The following DLGAP2 variants were observed in gnomAD, a reference collection of about 807,000 sequenced individuals.
DLGAP2 encodes DLG associated protein 2.
Under a neutral mutation model 100.3 loss-of-function variants are expected in DLGAP2, and 26 were observed. The observed-to-expected ratio is 0.26, with a 90% CI of 0.19 to 0.36. The LOEUF (loss-of-function observed/expected upper bound fraction) is 0.36. DLGAP2 is among the 10% of genes least tolerant of loss of function. The pLI is 1.00. For missense variants in DLGAP2, 1,858 were observed against 1,453.2 expected (o/e 1.28, Z -4.53); for synonymous variants, 886 against 630.1 (o/e 1.41, Z -6.08).
chr8:1,536,030 G>A (rs74507189), intron 4 of DLGAP2, among the ~76,000 whole-genome samples: 19,624 of 152,218 alleles, frequency 0.13, 1,745 homozygotes, highest in African/African-American at 0.25. Context: ...GTCATGACAC[G>A]TGAGTAGCAT....
chr8:1,004,504 AG>A (rs1801050021), intron 2 of DLGAP2, among the ~76,000 whole-genome samples: 1 of 152,180 alleles, frequency 6.6e-6, no homozygotes, highest in South Asian at 2.1e-4. Flanking sequence ...GGCCACAATC[AG>A]GGTTGGAAGT....
intron 6 of DLGAP2, among the ~76,000 whole-genome samples, chr8:1,595,143 C>T (rs1563245186): frequency 1.3e-5 from 2 of 151,990 alleles, no homozygotes; most frequent in South Asian, 2.1e-4. Flanking sequence ...CGGGTGCAAG[C>T]GATTCTCCCA....
intron 3 of DLGAP2, among the ~76,000 whole-genome samples, chr8:1,263,221 A>G (rs28535279): frequency 0.033 from 5,067 of 152,306 alleles, 125 homozygotes; most frequent in South Asian, 0.092. Context: ...TGGCAGAAAT[A>G]TATATTGGAT....
At chr8:1,067,886 G>A (rs1044963997) in intron 2 of DLGAP2, among the ~76,000 whole-genome samples, 32 of 151,932 alleles carry the variant, frequency 2.1e-4, no homozygotes, top group Non-Finnish European at 4.6e-4. Flanking sequence ...GTTTGATGAC[G>A]ACACACCCCC....
At chr8:1,481,476 T>TC (rs1554480820) in intron 3 of DLGAP2, among the ~76,000 whole-genome samples, 2 of 114,184 alleles carry the variant, frequency 1.8e-5, no homozygotes, top group Non-Finnish European at 3.3e-5. Flanking sequence ...TTTTTCTTTT[T>TC]TTTTTTTTTT....
intron 2 of DLGAP2, among the ~76,000 whole-genome samples, chr8:1,165,845 G>A (rs528211834): frequency 4.0e-5 from 6 of 148,432 alleles, no homozygotes; most frequent in African/African-American, 9.8e-5. Context: ...ATTTTCCCAC[G>A]TTAGATTTAA....
chr8:1,673,729 A>AAAG (rs1424168988), intron 10 of DLGAP2, among the ~76,000 whole-genome samples: 1 of 152,254 alleles, frequency 6.6e-6, no homozygotes, highest in African/African-American at 2.4e-5. Flanking sequence ...ACAAGGAAGC[A>AAAG]AAGATTCAAC....
intron 2 of DLGAP2, among the ~76,000 whole-genome samples, chr8:1,099,785 A>G (rs1256021209): frequency 2.0e-5 from 3 of 152,148 alleles, no homozygotes; most frequent in African/African-American, 7.2e-5. Context: ...TTTTATATTT[A>G]CCCAATCCTT....
chr8:1,168,122 A>G (rs527536851), intron 2 of DLGAP2, among the ~76,000 whole-genome samples: 268 of 144,060 alleles, frequency 1.9e-3, no homozygotes, highest in African/African-American at 6.4e-3. Context: ...ATGAGTGAGA[A>G]TCTGCGGTGT....
chr8:1,170,645 T>C (rs1425664921), intron 2 of DLGAP2, among the ~76,000 whole-genome samples: 1 of 143,256 alleles, frequency 7.0e-6, no homozygotes, highest in Non-Finnish European at 1.6e-5. Flanking sequence ...TATCCATTTC[T>C]TCTAGATTTT....
intron 3 of DLGAP2, among the ~76,000 whole-genome samples, chr8:1,314,110 T>C (rs1024683242): frequency 1.3e-5 from 2 of 152,258 alleles, no homozygotes; most frequent in South Asian, 2.1e-4. Flanking sequence ...ATGTGAAATA[T>C]TGGTTTCAAA....
chr8:901,892 T>A (rs1798258951), intron 1 of DLGAP2, among the ~76,000 whole-genome samples: 2 of 152,190 alleles, frequency 1.3e-5, no homozygotes, highest in Non-Finnish European at 2.9e-5. Flanking sequence ...TTTCCAGGGC[T>A]TCGCTGGACA....
At chr8:1,262,511 A>G (rs1291918359) in intron 3 of DLGAP2, 4 of 152,178 alleles carry the variant, frequency 2.6e-5, no homozygotes, top group Non-Finnish European at 5.9e-5. Context: ...ATTCACAGGA[A>G]TGCAGTTTCT....
intron 3 of DLGAP2, among the ~76,000 whole-genome samples, chr8:1,468,231 G>A (rs1233794697): frequency 2.6e-5 from 4 of 151,724 alleles, no homozygotes; most frequent in East Asian, 1.9e-4. Flanking sequence ...CTGCAGCCTC[G>A]GTCGGTTCTG....
At chr8:1,600,237 A>G (rs1405662373) in intron 6 of DLGAP2, among the ~76,000 whole-genome samples, 1 of 152,204 alleles carries the variant, frequency 6.6e-6, no homozygotes, top group Non-Finnish European at 1.5e-5. Context: ...CTGCAGAGAT[A>G]TCCACTGTTA....
chr8:1,025,421 CT>C (rs1183641767), intron 2 of DLGAP2, among the ~76,000 whole-genome samples: 1 of 152,166 alleles, frequency 6.6e-6, no homozygotes, highest in Admixed American at 6.5e-5. Context: ...AAATAGGATT[CT>C]TTCCAGAGAA....
chr8:1,483,663 A>G (rs59019520), intron 3 of DLGAP2, among the ~76,000 whole-genome samples: 6 of 147,600 alleles, frequency 4.1e-5, no homozygotes, highest in African/African-American at 1.3e-4. Flanking sequence ...GTCTACACAG[A>G]GCAGGGAGGC....
At chr8:1,195,944 TAATA>T (rs1451081496) in intron 2 of DLGAP2, among the ~76,000 whole-genome samples, 4 of 152,310 alleles carry the variant, frequency 2.6e-5, no homozygotes, top group Non-Finnish European at 4.4e-5. Context: ...TCAACTTAAT[TAATA>T]GTTACCTCCA....
At chr8:1,638,169 G>A (rs186155886) in intron 8 of DLGAP2, among the ~76,000 whole-genome samples, 1 of 152,256 alleles carries the variant, frequency 6.6e-6, no homozygotes, top group Admixed American at 6.5e-5. Flanking sequence ...AGAGGGATCT[G>A]TGGCTGAGTT....
Sources: gnomAD v4.1 joint callset for allele counts (sites outside exome capture counted in the v4.1 genomes callset) on GRCh38, gnomAD v4.1.1 for gene constraint, MANE v1.5 for transcripts, NCBI Gene and HGNC (gene_info 2026-07-23, HGNC 2026-07-21) for gene names.